ADCY2: variants seen among roughly 807,000 people sequenced by gnomAD.
The protein encoded by ADCY2 is adenylate cyclase type 2.
In ADCY2, 31 loss-of-function variants were observed where a neutral mutation model predicts 125.2. That is an observed-to-expected ratio of 0.25 (90% CI 0.19 to 0.33). The LOEUF (loss-of-function observed/expected upper bound fraction) is 0.33, where lower values mean the gene tolerates loss of function less well. Ranked by LOEUF, ADCY2 falls within the 10% of genes least tolerant of loss-of-function variation. The pLI, the probability that ADCY2 is intolerant of heterozygous loss-of-function variation, is 1.00. For missense variants in ADCY2, 904 were observed against 1,418.2 expected, an observed-to-expected ratio of 0.64 and a Z score of 5.82; for synonymous variants, 512 against 548.4, an observed-to-expected ratio of 0.93 and a Z score of 0.93.
At chr5:7,446,692 T>C (rs952964958) in intron 2 of ADCY2, among the ~76,000 whole-genome samples, 4 of 152,234 alleles carry the variant, frequency 2.6e-5, no homozygotes, top group African/African-American at 9.7e-5. Context: ...GTCAGCATTC[T>C]TGGTCTCAGT....
At chr5:7,560,704 T>C (rs1377340624) in intron 3 of ADCY2, among the ~76,000 whole-genome samples, 1 of 152,142 alleles carries the variant, frequency 6.6e-6, no homozygotes. Context: ...AGGTTTTTTT[T>C]TTGAGACAGA....
intron 20 of ADCY2, chr5:7,799,042 T>G (rs1439124040): frequency 6.6e-6 from 1 of 152,212 alleles, no homozygotes; most frequent in Non-Finnish European, 1.5e-5. Flanking sequence ...AGTTGCTTTG[T>G]GATTATTTTT....
intron 3 of ADCY2, among the ~76,000 whole-genome samples, chr5:7,563,494 A>T (rs1330649475): frequency 6.6e-6 from 1 of 152,136 alleles, no homozygotes; most frequent in Non-Finnish European, 1.5e-5. Context: ...CTTCATTCTT[A>T]AGATCAAAAT....
intron 24 of ADCY2, among the ~76,000 whole-genome samples, chr5:7,824,258 G>C (rs1031983116): frequency 1.5e-4 from 23 of 152,174 alleles, no homozygotes; most frequent in African/African-American, 5.1e-4. Context: ...AGCATAGCAA[G>C]CCCACTCAGC....
intron 16 of ADCY2, among the ~76,000 whole-genome samples, chr5:7,764,923 G>A (rs536192961): frequency 7.9e-5 from 12 of 152,280 alleles, no homozygotes; most frequent in African/African-American, 2.2e-4. Context: ...ATTGTAGTAT[G>A]ATTTTAGACA....
In ADCY2 at chr5:7,420,062, C is replaced by T. The variant is rs79370672; in HGVS notation, c.408+5292C>T. On this transcript the variant is annotated intron_variant, in intron 2 of 24. Coordinates refer to ENST00000338316, the MANE Select transcript of ADCY2 (RefSeq NM_020546.3). ...TTCTCAAACGGGAGCGATTGCACCC[C>T]CCGGGGACATGTGATTGTGTCAGGA... is the stretch of plus-strand genomic sequence containing the variant. Among the ~76,000 whole-genome samples, 152 of 152,280 alleles carry T rather than the reference C, an allele frequency of 1.0e-3. 2 individuals are homozygous for T. The highest frequency in any genetic ancestry group is 1.7e-3 in the Non-Finnish European group (114 of 68,028).
At chr5:7,571,217 A>G (rs9313199) in intron 3 of ADCY2, among the ~76,000 whole-genome samples, 95,043 of 151,902 alleles carry the variant, frequency 0.63, 30,519 homozygotes, top group Non-Finnish European at 0.7. Context: ...AGGCTGAGAA[A>G]TTCCATGATC....
At chr5:7,805,455 T>TGA (rs2126525348) in intron 22 of ADCY2, among the ~76,000 whole-genome samples, 1 of 152,238 alleles carries the variant, frequency 6.6e-6, no homozygotes, top group African/African-American at 2.4e-5. Context: ...TGTGTGTGTG[T>TGA]GTGAGAGAGA....
rs1745589317 is a variant in ADCY2 at position 7,829,817 on chromosome 5, C to T, written c.*2946C>T. On this transcript the variant is annotated 3_prime_UTR_variant, in exon 25 of 25. Coordinates refer to ENST00000338316, the MANE Select transcript of ADCY2 (RefSeq NM_020546.3). ...CATCATCAGGCCGGGTGCAGTGGCT[C>T]CTATAATCCCAATATTTTGGGAGGC... The T allele has an allele frequency of 6.6e-6, 1 of 152,284 alleles. No individual in the cohort carries two copies. The highest frequency in any genetic ancestry group is 6.5e-5 in the Admixed American group (1 of 15,282). 9.4% of individuals were successfully genotyped at this position (152,284 alleles called of 1,614,324 possible). A position where few individuals can be genotyped will look rare whatever the true frequency, so the allele number is the denominator to read the frequency against.
At chr5:7,698,575 C>A (rs566818832) in intron 7 of ADCY2, among the ~76,000 whole-genome samples, 2 of 152,246 alleles carry the variant, frequency 1.3e-5, no homozygotes, top group African/African-American at 4.8e-5. Context: ...ATGTGATGTT[C>A]CCCTCCCTGT....
intron 2 of ADCY2, among the ~76,000 whole-genome samples, chr5:7,463,050 T>C (rs1208544283): frequency 1.3e-5 from 2 of 152,204 alleles, no homozygotes; most frequent in Non-Finnish European, 2.9e-5. Context: ...GAACTTGAGA[T>C]TTAAACCCAA....
chr5:7,750,619 C>G (rs959524961), intron 15 of ADCY2, among the ~76,000 whole-genome samples: 4 of 152,126 alleles, frequency 2.6e-5, no homozygotes, highest in Non-Finnish European at 5.9e-5. Flanking sequence ...TTTAAAAAGT[C>G]TTTATCTTTT....
intron 2 of ADCY2, among the ~76,000 whole-genome samples, chr5:7,436,233 C>T (rs1379756133): frequency 6.6e-6 from 1 of 152,158 alleles, no homozygotes; most frequent in African/African-American, 2.4e-5. Context: ...ATTTAATGAT[C>T]AGTTTTCTCT....
intron 4 of ADCY2, among the ~76,000 whole-genome samples, chr5:7,677,382 T>C (rs144938664): frequency 6.6e-4 from 101 of 152,318 alleles, no homozygotes; most frequent in African/African-American, 2.2e-3. Flanking sequence ...ATCCAAGCTG[T>C]GGCAGATGGA....
At chr5:7,526,814 A>G (rs1734486037) in intron 3 of ADCY2, among the ~76,000 whole-genome samples, 1 of 152,224 alleles carries the variant, frequency 6.6e-6, no homozygotes, top group African/African-American at 2.4e-5. Context: ...ATCTGGGATT[A>G]TGAAGACATG....
chr5:7,676,121 A>G (rs747583382), intron 4 of ADCY2, among the ~76,000 whole-genome samples: 9 of 152,206 alleles, frequency 5.9e-5, no homozygotes, highest in Non-Finnish European at 7.3e-5. Context: ...TGAGGATCAG[A>G]CATTTGATGT....
At chr5:7,714,572 G>C (rs1741539670) in intron 11 of ADCY2, among the ~76,000 whole-genome samples, 1 of 152,270 alleles carries the variant, frequency 6.6e-6, no homozygotes, top group Admixed American at 6.5e-5. Context: ...GAGAATGCCA[G>C]CGTCACATGG....
At chr5:7,445,994 T>G (rs1482587111) in intron 2 of ADCY2, among the ~76,000 whole-genome samples, 1 of 152,212 alleles carries the variant, frequency 6.6e-6, no homozygotes, top group African/African-American at 2.4e-5. Context: ...TTGCATCGTC[T>G]AATACATCCA....
chr5:7,424,667 G>T (rs904656876), intron 2 of ADCY2, among the ~76,000 whole-genome samples: 1 of 152,160 alleles, frequency 6.6e-6, no homozygotes, highest in Admixed American at 6.5e-5. Context: ...TCACTGTTTC[G>T]AATTGCCAGA....
Sources: allele counts gnomAD v4.1 joint callset (sites outside exome capture counted in the v4.1 genomes callset), GRCh38; gene constraint gnomAD v4.1.1; transcripts MANE v1.5; gene names NCBI Gene and HGNC (gene_info 2026-07-23, HGNC 2026-07-21).